SYNDIG1: variants seen among roughly 807,000 people sequenced by gnomAD.
The protein encoded by SYNDIG1 is synapse differentiation inducing 1, also known as synapse differentiation-inducing gene protein 1.
SYNDIG1 carries 9 observed loss-of-function variants against 19.4 expected under a neutral mutation model. That is an observed-to-expected ratio of 0.46 (90% CI 0.28 to 0.81). SYNDIG1 has a LOEUF of 0.81. Among genes scored for constraint, SYNDIG1 ranks in the 30% least tolerant of loss-of-function variants. The probability of loss-of-function intolerance (pLI) is 0.12; values close to 1 mark genes in which losing one functional copy is unlikely to be tolerated. For synonymous variants in SYNDIG1, 141 were observed against 145.9 expected, an observed-to-expected ratio of 0.97 and a Z score of 0.24; for missense variants, 311 against 343.3, an observed-to-expected ratio of 0.91 and a Z score of 0.74.
chr20:24,655,982 T>C (rs1037405716), intron 3 of SYNDIG1, among the ~76,000 whole-genome samples: 2 of 152,192 alleles, frequency 1.3e-5, no homozygotes, highest in African/African-American at 4.8e-5. Flanking sequence ...GACACCATCG[T>C]GCGTGTACTA....
intron 3 of SYNDIG1, among the ~76,000 whole-genome samples, chr20:24,624,819 T>G (rs2059096978): frequency 6.6e-6 from 1 of 151,832 alleles, no homozygotes; most frequent in Non-Finnish European, 1.5e-5. Flanking sequence ...CCTCAAAAGA[T>G]TAAAAACAGT....
chr20:24,576,582 G>A (rs2058231160), intron 2 of SYNDIG1, among the ~76,000 whole-genome samples: 1 of 152,198 alleles, frequency 6.6e-6, no homozygotes, highest in Non-Finnish European at 1.5e-5. Context: ...GTTGACTCCT[G>A]AGTTGTGAAC....
intron 2 of SYNDIG1, among the ~76,000 whole-genome samples, chr20:24,560,761 A>AT (rs1468982059): frequency 1.1e-5 from 1 of 91,096 alleles, no homozygotes; most frequent in Non-Finnish European, 2.2e-5. Flanking sequence ...CCTGGCTAGT[A>AT]TTTTTTGTTG....
intron 1 of SYNDIG1, among the ~76,000 whole-genome samples, chr20:24,515,547 GACAA>G (rs753946612): frequency 5.2e-4 from 78 of 151,050 alleles, no homozygotes; most frequent in Non-Finnish European, 9.5e-4. Flanking sequence ...ACCAATAACA[GACAA>G]ACAGAGAGCC....
Position 24,658,646 on chromosome 20 carries a change from A to G in SYNDIG1, c.619-6700A>G, listed in dbSNP as rs1306288310. 1.3e-5 allele frequency among the ~76,000 whole-genome samples: 2 copies of G among 151,470 alleles called. No homozygotes were observed. Among genetic ancestry groups the G allele is most frequent in the Admixed American group, 1.3e-4 (2 of 15,248 alleles). On this transcript the variant is annotated intron_variant, in intron 3 of 3. Coordinates refer to ENST00000376862, the MANE Select transcript of SYNDIG1 (RefSeq NM_024893.3). This position sits in a 1 kb window ranked among gnomAD's most constrained non-coding sequence, Gnocchi z 4.4. The stretch of plus-strand genomic sequence containing the variant: ...CCCCCCGGCGATTCACTGAATGTGA[A>G]ATAGATTCCCACGAGGCATGTGGGT...
At chr20:24,554,412 G>A (rs533631203) in intron 2 of SYNDIG1, among the ~76,000 whole-genome samples, 1 of 152,150 alleles carries the variant, frequency 6.6e-6, no homozygotes, top group African/African-American at 2.4e-5. Flanking sequence ...TCCAGTTTTT[G>A]CCCATTCAGT....
chr20:24,606,371 T>A (rs2058757330), intron 3 of SYNDIG1, among the ~76,000 whole-genome samples: 1 of 152,170 alleles, frequency 6.6e-6, no homozygotes, highest in Admixed American at 6.5e-5. Flanking sequence ...CATGAACAAT[T>A]TTCTCTGGGA....
intron 3 of SYNDIG1, among the ~76,000 whole-genome samples, chr20:24,633,230 T>G (rs1568703915): frequency 6.6e-6 from 1 of 152,180 alleles, no homozygotes; most frequent in Non-Finnish European, 1.5e-5. Context: ...CCGCAATCAT[T>G]CAGGCACATG....
At chr20:24,581,243 T>C (rs1342923998) in intron 2 of SYNDIG1, among the ~76,000 whole-genome samples, 1 of 152,070 alleles carries the variant, frequency 6.6e-6, no homozygotes, top group Non-Finnish European at 1.5e-5. Context: ...TTTTAACCTC[T>C]TGGAGCCTCA....
At chr20:24,581,751 CCTCCATGTTGCATGTG>C (rs531560576) in intron 2 of SYNDIG1, among the ~76,000 whole-genome samples, 6 of 151,938 alleles carry the variant, frequency 3.9e-5, no homozygotes, top group East Asian at 1.9e-4. Context: ...CACTGCATTT[CCTCCATGTTGCATGTG>C]CTCCATGTTG....
chr20:24,534,251 T>C (rs1392640366), intron 1 of SYNDIG1, among the ~76,000 whole-genome samples: 2 of 152,170 alleles, frequency 1.3e-5, no homozygotes, highest in South Asian at 4.1e-4. Context: ...TCATCATCCC[T>C]TTCCCTAATC....
intron 1 of SYNDIG1, among the ~76,000 whole-genome samples, chr20:24,517,322 AATAT>A (rs1002043406): frequency 1.3e-5 from 2 of 150,418 alleles, no homozygotes; most frequent in Non-Finnish European, 3.0e-5. Flanking sequence ...TAAATAAATA[AATAT>A]ATATATATGC....
chr20:24,649,324 A>G (rs2059448312), intron 3 of SYNDIG1, among the ~76,000 whole-genome samples: 3 of 152,120 alleles, frequency 2.0e-5, no homozygotes, highest in Admixed American at 1.3e-4. Context: ...TTCCATTGAG[A>G]TCTAAGATTT....
At chr20:24,653,251 CA>C (rs2059491125) in intron 3 of SYNDIG1, among the ~76,000 whole-genome samples, 1 of 152,098 alleles carries the variant, frequency 6.6e-6, no homozygotes, top group Admixed American at 6.6e-5. Flanking sequence ...GAGTGGTGAT[CA>C]TGCAGTGTGG....
At chr20:24,473,949 C>T (rs1307050120) in intron 1 of SYNDIG1, among the ~76,000 whole-genome samples, 1 of 152,130 alleles carries the variant, frequency 6.6e-6, no homozygotes, top group Non-Finnish European at 1.5e-5. Flanking sequence ...GCAGCAGAAC[C>T]CAGAGTCTGG....
intron 1 of SYNDIG1, among the ~76,000 whole-genome samples, chr20:24,535,517 A>C (rs6049763): frequency 2.0e-5 from 3 of 152,354 alleles, no homozygotes; most frequent in African/African-American, 7.2e-5. Flanking sequence ...GAAGCTCTCT[A>C]AAAGAAAAGA....
chr20:24,650,601 C>T (rs1052070770), intron 3 of SYNDIG1, among the ~76,000 whole-genome samples: 1 of 152,182 alleles, frequency 6.6e-6, no homozygotes, highest in Non-Finnish European at 1.5e-5. Flanking sequence ...CCTCTCTGTA[C>T]CTTAAGCACT....
chr20:24,498,571 C>G (rs1390624633), intron 1 of SYNDIG1, among the ~76,000 whole-genome samples: 2 of 152,150 alleles, frequency 1.3e-5, no homozygotes, highest in African/African-American at 4.8e-5. Flanking sequence ...GTGAGTTTAA[C>G]TATGTTAGAT....
intron 1 of SYNDIG1, among the ~76,000 whole-genome samples, chr20:24,539,921 G>A (rs1467013859): frequency 1.3e-5 from 2 of 152,096 alleles, no homozygotes; most frequent in African/African-American, 2.4e-5. Flanking sequence ...TGGGATTACA[G>A]GCGCCCACCA....
Sources: gnomAD v4.1 joint callset for allele counts (sites outside exome capture counted in the v4.1 genomes callset) on GRCh38, gnomAD v4.1.1 for gene constraint, Gnocchi (gnomAD v3.1) non-coding constraint, MANE v1.5 for transcripts, NCBI Gene and HGNC (gene_info 2026-07-23, HGNC 2026-07-21) for gene names.